The following MSI1 variants were observed in gnomAD, a reference collection of about 807,000 sequenced individuals.
MSI1 encodes the protein RNA-binding protein Musashi homolog 1.
A neutral mutation model predicts 54.4 loss-of-function variants in MSI1; 15 were observed. The observed-to-expected ratio is 0.28, with a 90% CI of 0.18 to 0.42. MSI1 has a LOEUF of 0.42. Among genes scored for constraint, MSI1 ranks in the 20% least tolerant of loss-of-function variants. MSI1 has a pLI of 1.00. For missense variants in MSI1, 304 were observed against 506.0 expected (o/e 0.60, Z 3.83); for synonymous variants, 200 against 196.5 (o/e 1.02, Z -0.15).
At chr12:120,365,829 G>A (rs1356405943) in intron 4 of MSI1, among the ~76,000 whole-genome samples, 2 of 152,196 alleles carry the variant, frequency 1.3e-5, no homozygotes, top group Non-Finnish European at 2.9e-5. Flanking sequence ...CGAACTCTGT[G>A]AGCCTCAGTT....
chr12:120,356,871 A>G, intron 9 of MSI1, 31 bp downstream of exon 9: 1 of 1,600,044 alleles, frequency 6.2e-7, no homozygotes, highest in Non-Finnish European at 8.5e-7. Flanking sequence ...GTTCTGGCAG[A>G]AAGAAGCCGC....
At chr12:120,349,180 C>T (rs180988758) in intron 11 of MSI1, among the ~76,000 whole-genome samples, 2 of 150,374 alleles carry the variant, frequency 1.3e-5, no homozygotes, top group African/African-American at 4.9e-5. Context: ...ACTGCGACCT[C>T]TGCCTCCTGG....
At position 120,368,783 on chromosome 12, in the gene MSI1, G is replaced by C. The variant is rs1178815582; in HGVS notation, c.100+50C>G. Reference sequence around the variant, plus strand: ...GGGGTGTCCGGGTCCGGGGCGCCGGGGGGTCCGGGGTGCCCTGCCGGACCG... The same window carrying C: ...GGGGTGTCCGGGTCCGGGGCGCCGGCGGGTCCGGGGTGCCCTGCCGGACCG... On this transcript the variant is annotated intron_variant, in intron 2 of 14. Coordinates refer to ENST00000257552, the MANE Select transcript of MSI1 (RefSeq NM_002442.4). This position sits in a 1 kb window ranked among gnomAD's most constrained non-coding sequence, Gnocchi z 6.6. 1 of 1,373,530 alleles carries C rather than the reference G, an allele frequency of 7.3e-7. No homozygotes were observed. Among genetic ancestry groups the C allele is most frequent in the Non-Finnish European group, 9.6e-7 (1 of 1,046,466 alleles). 85.1% of individuals were successfully genotyped at this position (1,373,530 alleles called of 1,614,324 possible).
intron 4 of MSI1, 92 bp from the exon 5 acceptor site, chr12:120,364,847 C>A: frequency 9.0e-7 from 1 of 1,115,964 alleles, no homozygotes; most frequent in East Asian, 2.6e-5. Context: ...CCTCTCTCCT[C>A]CCAGGACACA....
chr12:120,368,829 T>C lies in MSI1; in HGVS notation c.100+4A>G, dbSNP rs1224276655. Reference sequence around the variant, plus strand: ...GACCGGCGGGCGCTCCCGGGCTCGCTCACCCTGCGTAGTCTGCCAACTGAG... The same window carrying C: ...GACCGGCGGGCGCTCCCGGGCTCGCCCACCCTGCGTAGTCTGCCAACTGAG... On this transcript the variant is annotated splice_donor_region_variant and intron_variant, in intron 2 of 14. Coordinates refer to ENST00000257552, the MANE Select transcript of MSI1 (RefSeq NM_002442.4). This position sits in a 1 kb window ranked among gnomAD's most constrained non-coding sequence, Gnocchi z 6.6. 2.8e-6 allele frequency: 4 copies of C among 1,431,350 alleles called. No homozygotes were observed. The highest frequency in any genetic ancestry group is 1.4e-5 in the South Asian group (1 of 73,654). The allele number at this position is 1,431,350 out of a possible 1,614,324, so 88.7% of individuals were successfully genotyped here. A position where few individuals can be genotyped will look rare whatever the true frequency, so the allele number is the denominator to read the frequency against.
In MSI1 at chr12:120,368,236, C is replaced by T. The variant is rs775989622; in HGVS notation, c.138G>A (p.Val46=). 9 of 1,588,044 alleles carry T rather than the reference C, an allele frequency of 5.7e-6. No individual in the cohort carries two copies. The South Asian group carries it at 1.0e-4, about 18-fold the overall frequency. ...GGTCCCGCATCACCAGACACTCCTTCACCTCCCCGAACTGGCCGAAGTATT... is the reference window on the plus strand; with the variant it reads ...GGTCCCGCATCACCAGACACTCCTTTACCTCCCCGAACTGGCCGAAGTATT... ...LREYFGQFGE[V]KECLVMRDPL... is the part of the protein sequence containing the mutation. The change falls in exon 3 of 15, where the codon GTG becomes GTA. Residue 46 remains valine (V), a synonymous_variant. Coordinates refer to ENST00000257552, the MANE Select transcript of MSI1 (RefSeq NM_002442.4). The surrounding 1 kb of genome is among the most constrained non-coding windows in gnomAD (Gnocchi z 6.6).
chr12:120,340,290 C>T (rs1873623739), downstream of MSI1, among the ~76,000 whole-genome samples: 1 of 151,984 alleles, frequency 6.6e-6, no homozygotes, highest in African/African-American at 2.4e-5. Context: ...TTTCATGTTG[C>T]ACAGGGTGGT....
chr12:120,360,892 C>A (rs1324571280), intron 6 of MSI1, among the ~76,000 whole-genome samples: 1 of 151,692 alleles, frequency 6.6e-6, no homozygotes, highest in Non-Finnish European at 1.5e-5. Flanking sequence ...CAGGCTCAAG[C>A]AATCCTCCCA....
intron 6 of MSI1, among the ~76,000 whole-genome samples, chr12:120,360,551 T>A (rs1288826803): frequency 6.6e-6 from 1 of 152,156 alleles, no homozygotes; most frequent in Non-Finnish European, 1.5e-5. Context: ...CAATCCCAAA[T>A]CAGCTGGACC....
intron 12 of MSI1, 31 bp downstream of exon 12, chr12:120,347,415 A>G (rs1347420833): frequency 1.2e-6 from 2 of 1,613,172 alleles, no homozygotes; most frequent in Non-Finnish European, 1.7e-6. Flanking sequence ...GTGCTCCCTC[A>G]TCTCTCTTCC....
chr12:120,346,250 G>A lies in MSI1; in HGVS notation c.932C>T (p.Thr311Ile), dbSNP rs1325543791. 2.5e-6 allele frequency: 4 copies of A among 1,594,596 alleles called. No homozygotes were observed. Among genetic ancestry groups the A allele is most frequent in the Admixed American group, 1.7e-5 (1 of 57,570 alleles). Residue 311 changes from threonine to isoleucine, a missense_variant, in exon 13 of 15, where the codon ACC (threonine) becomes ATC (isoleucine). Coordinates refer to ENST00000257552, the MANE Select transcript of MSI1 (RefSeq NM_002442.4). Reference protein sequence around the residue: ...PSRTGGFLGTTSPGPMAELYG... With the variant: ...PSRTGGFLGTISPGPMAELYG... ...GAGCTCGGCCATGGGGCCGGGGCTGGTGGTCCCCAGGAAGCCCCCTGTGCG... is the reference window on the plus strand; with the variant it reads ...GAGCTCGGCCATGGGGCCGGGGCTGATGGTCCCCAGGAAGCCCCCTGTGCG...
rs1876198289 is a variant in MSI1 at position 120,368,770 on chromosome 12, T to A, written c.100+63A>T. The A allele has an allele frequency of 7.5e-7, 1 of 1,339,408 alleles. No homozygotes were observed. Among genetic ancestry groups the A allele is most frequent in the Admixed American group, 2.9e-5 (1 of 34,890 alleles). 83.0% of individuals were successfully genotyped at this position (1,339,408 alleles called of 1,614,324 possible). A position where few individuals can be genotyped will look rare whatever the true frequency, so the allele number is the denominator to read the frequency against. On this transcript the variant is annotated intron_variant, in intron 2 of 14. Transcript: ENST00000257552. This position sits in a 1 kb window ranked among gnomAD's most constrained non-coding sequence, Gnocchi z 6.6. ...GCAGGGCCGGGCTGGGGTGTCCGGG[T>A]CCGGGGCGCCGGGGGGTCCGGGGTG...
At chr12:120,346,726 C>T (rs1388282307) in intron 12 of MSI1, among the ~76,000 whole-genome samples, 4 of 152,200 alleles carry the variant, frequency 2.6e-5, no homozygotes, top group African/African-American at 9.6e-5. Context: ...GCTATTCCCT[C>T]AACCAGAAAC....
chr12:120,356,204 G>A (rs938029862), intron 9 of MSI1, among the ~76,000 whole-genome samples: 1 of 152,186 alleles, frequency 6.6e-6, no homozygotes. Flanking sequence ...AGCCCCATGA[G>A]AGCAGGCTCT....
At chr12:120,360,422 G>A (rs895714397) in intron 6 of MSI1, among the ~76,000 whole-genome samples, 4 of 152,230 alleles carry the variant, frequency 2.6e-5, no homozygotes, top group South Asian at 2.1e-4. Context: ...ACTGAGCCAG[G>A]AGGCAACAAG....
downstream of MSI1, among the ~76,000 whole-genome samples, chr12:120,340,269 T>C (rs1332353243): frequency 1.3e-5 from 2 of 151,890 alleles, no homozygotes; most frequent in African/African-American, 4.8e-5. Flanking sequence ...TGTATTTTAG[T>C]AGAGACGGGG....
Position 120,358,574 on chromosome 12 carries a change from C to G in MSI1, c.451+431G>C, listed in dbSNP as rs145475334. ...GAGAAAAACAGCCAGGTGGCGCACA[C>G]GCACACGGTGTGGCCCAGATGCTCA... On this transcript the variant is annotated intron_variant, in intron 7 of 14. Transcript: ENST00000257552. Among the ~76,000 whole-genome samples, 71 of 152,302 alleles carry G rather than the reference C, an allele frequency of 4.7e-4. No homozygotes were observed. In the Middle Eastern group the frequency reaches 0.031, roughly 66 times the overall value.
At chr12:120,362,097 G>C (rs1875706836) in intron 6 of MSI1, among the ~76,000 whole-genome samples, 1 of 151,896 alleles carries the variant, frequency 6.6e-6, no homozygotes, top group Admixed American at 6.5e-5. Flanking sequence ...TGCCCACCGA[G>C]GCACGAAAGC....
chr12:120,365,587 TG>T (rs1875966532), intron 4 of MSI1, among the ~76,000 whole-genome samples: 2 of 152,226 alleles, frequency 1.3e-5, no homozygotes, highest in African/African-American at 4.8e-5. Flanking sequence ...ACTCTTTGTC[TG>T]CAAAAGGCTA....
Sources: allele counts gnomAD v4.1 joint callset (sites outside exome capture counted in the v4.1 genomes callset), GRCh38; gene constraint gnomAD v4.1.1; non-coding constraint Gnocchi (gnomAD v3.1); transcripts MANE v1.5; gene names NCBI Gene and HGNC (gene_info 2026-07-23, HGNC 2026-07-21).